The following SH3PXD2A variants were observed in gnomAD, a reference collection of about 807,000 sequenced individuals.
The protein encoded by SH3PXD2A is SH3 and PX domains 2A, also known as SH3 and PX domain-containing protein 2A.
A neutral mutation model predicts 115.2 loss-of-function variants in SH3PXD2A; 32 were observed. The observed-to-expected ratio is 0.28, with a 90% CI of 0.21 to 0.37. The LOEUF (loss-of-function observed/expected upper bound fraction) is 0.37. Among genes scored for constraint, SH3PXD2A ranks in the 10% least tolerant of loss-of-function variants. The pLI, the probability that SH3PXD2A is intolerant of heterozygous loss-of-function variation, is 1.00. For missense variants in SH3PXD2A, 1,328 were observed against 1,498.7 expected (o/e 0.89, Z 1.88); for synonymous variants, 610 against 629.1 (o/e 0.97, Z 0.45).
In SH3PXD2A at chr10:103,615,483, G is replaced by GGTGTGTGTGTGTGTGTGTGTGTGT. The variant is rs57711259; in HGVS notation, c.920+1690_920+1713dup. On this transcript the variant is annotated intron_variant, in intron 11 of 14. Transcript: ENST00000369774. Reference sequence around the variant, plus strand: ...GAAAGGGCGCGATGGAGAGTGCGAGGGTGTGTGTGTGTGTGTGTGTGTGTG... The same window carrying GGTGTGTGTGTGTGTGTGTGTGTGT: ...GAAAGGGCGCGATGGAGAGTGCGAGGGTGTGTGTGTGTGTGTGTGTGTGTGTGTGTGTGTGTGTGTGTGTGTGTG... Among the ~76,000 whole-genome samples, 85 of 128,588 alleles carry GGTGTGTGTGTGTGTGTGTGTGTGT rather than the reference G, an allele frequency of 6.6e-4. 5 individuals carry two copies. The highest frequency in any genetic ancestry group is 1.9e-3 in the East Asian group (8 of 4,294). 84.4% of individuals were successfully genotyped at this position (128,588 alleles called of 152,430 possible).
intron 1 of SH3PXD2A, among the ~76,000 whole-genome samples, chr10:103,846,381 G>C (rs151281329): frequency 1.3e-4 from 20 of 152,310 alleles, no homozygotes; most frequent in Non-Finnish European, 1.9e-4. Context: ...AGGAAAACCA[G>C]AGGCCGTTTT....
intron 5 of SH3PXD2A, among the ~76,000 whole-genome samples, chr10:103,705,166 C>A (rs1454977038): frequency 6.6e-6 from 1 of 152,160 alleles, no homozygotes; most frequent in Non-Finnish European, 1.5e-5. Flanking sequence ...GCAGGCCAGC[C>A]GTGGGCCGCC....
intron 9 of SH3PXD2A, among the ~76,000 whole-genome samples, chr10:103,626,626 G>GAA (rs112071139): frequency 1.9e-4 from 24 of 128,390 alleles, no homozygotes; most frequent in African/African-American, 6.0e-4. Flanking sequence ...AAAAGAAAAA[G>GAA]AAAAAAAAAA....
chr10:103,798,203 A>C (rs2039113021), intron 2 of SH3PXD2A, among the ~76,000 whole-genome samples: 1 of 152,174 alleles, frequency 6.6e-6, no homozygotes, highest in Admixed American at 6.5e-5. Flanking sequence ...AAAGGGGTCA[A>C]AGGGGTGTCC....
Position 103,809,877 on chromosome 10 carries a change from T to G in SH3PXD2A, c.73-8515A>C, listed in dbSNP as rs139856365. Among the ~76,000 whole-genome samples, 765 of 151,142 alleles carry G rather than the reference T, an allele frequency of 5.1e-3. 1 individual carries two copies. Among genetic ancestry groups the G allele is most frequent in the African/African-American group, 0.015 (607 of 41,126 alleles). On this transcript the variant is annotated intron_variant, in intron 1 of 14. Transcript: ENST00000369774. ...TTTTTTTTTAGTATTTTAGTAGAGA[T>G]GAGTTTTACCATGGGTGGCCAGGCT...
intron 2 of SH3PXD2A, among the ~76,000 whole-genome samples, chr10:103,799,025 C>T (rs541259059): frequency 2.6e-5 from 4 of 152,290 alleles, no homozygotes; most frequent in African/African-American, 7.2e-5. Flanking sequence ...ACAACCCTAC[C>T]GGGCAGGCAA....
chr10:103,672,188 G>A (rs1427575675), intron 6 of SH3PXD2A, among the ~76,000 whole-genome samples: 1 of 152,234 alleles, frequency 6.6e-6, no homozygotes, highest in Non-Finnish European at 1.5e-5. Context: ...GGAAGGCTGA[G>A]GCATGAGAAT....
chr10:103,662,296 C>G (rs1281778115), intron 7 of SH3PXD2A, among the ~76,000 whole-genome samples: 1 of 122,852 alleles, frequency 8.1e-6, no homozygotes, highest in African/African-American at 3.2e-5. Flanking sequence ...GCACTGGATG[C>G]TGCTTAAACC....
At chr10:103,691,551 G>A (rs1160781139) in intron 6 of SH3PXD2A, among the ~76,000 whole-genome samples, 1 of 152,050 alleles carries the variant, frequency 6.6e-6, no homozygotes, top group Admixed American at 6.5e-5. Context: ...GTGGAGGAAT[G>A]CTCTTCCCCA....
At chr10:103,766,749 G>C (rs1220422776) in intron 3 of SH3PXD2A, among the ~76,000 whole-genome samples, 1 of 152,172 alleles carries the variant, frequency 6.6e-6, no homozygotes, top group Admixed American at 6.5e-5. Context: ...ATTAGAATGG[G>C]AGTCAGTACA....
At chr10:103,687,185 C>T (rs2037689387) in intron 6 of SH3PXD2A, among the ~76,000 whole-genome samples, 1 of 152,206 alleles carries the variant, frequency 6.6e-6, no homozygotes, top group African/African-American at 2.4e-5. Context: ...GAAGACATTT[C>T]ATCTGCGGAC....
At chr10:103,667,989 G>A (rs935989605) in intron 7 of SH3PXD2A, among the ~76,000 whole-genome samples, 3 of 152,222 alleles carry the variant, frequency 2.0e-5, no homozygotes, top group African/African-American at 2.4e-5. Flanking sequence ...ATCTCAGCCA[G>A]GCAGGCCAAG....
intron 1 of SH3PXD2A, among the ~76,000 whole-genome samples, chr10:103,808,293 C>T (rs2134273393): frequency 6.6e-6 from 1 of 151,894 alleles, no homozygotes; most frequent in East Asian, 1.9e-4. Context: ...GCTCTGTCAC[C>T]CGGGGTGGAG....
chr10:103,821,799 T>C (rs1022711010), intron 1 of SH3PXD2A, among the ~76,000 whole-genome samples: 2 of 152,228 alleles, frequency 1.3e-5, no homozygotes, highest in South Asian at 2.1e-4. Flanking sequence ...ATTCCTGGAG[T>C]CAAGTGATCC....
intron 1 of SH3PXD2A, among the ~76,000 whole-genome samples, chr10:103,829,296 C>T (rs149020306): frequency 8.3e-4 from 127 of 152,258 alleles, no homozygotes; most frequent in African/African-American, 2.9e-3. Flanking sequence ...CTGGGAGGCA[C>T]GCAGGCATCC....
At chr10:103,780,949 C>T (rs2038926410) in intron 2 of SH3PXD2A, among the ~76,000 whole-genome samples, 2 of 152,170 alleles carry the variant, frequency 1.3e-5, no homozygotes, top group Admixed American at 6.5e-5. Context: ...TCTCTAGTCA[C>T]ACGCCCTGCC....
intron 9 of SH3PXD2A, 86 bp from the exon 10 acceptor site, chr10:103,622,639 G>GT: frequency 2.9e-6 from 2 of 688,050 alleles, no homozygotes; most frequent in Non-Finnish European, 5.1e-6. Flanking sequence ...ATGGGGGTGG[G>GT]AGGAAGGGGC....
chr10:103,804,617 T>C (rs1053606819), intron 1 of SH3PXD2A, among the ~76,000 whole-genome samples: 1 of 152,104 alleles, frequency 6.6e-6, no homozygotes. Flanking sequence ...CCACCTCATC[T>C]GACCGGTTGA....
intron 1 of SH3PXD2A, among the ~76,000 whole-genome samples, chr10:103,837,428 C>A (rs17650830): frequency 0.01 from 1,560 of 152,290 alleles, 18 homozygotes; most frequent in Middle Eastern, 0.044. Flanking sequence ...CTGATAACTC[C>A]CATTCCCCAC....
Sources: gnomAD v4.1 joint callset for allele counts (sites outside exome capture counted in the v4.1 genomes callset) on GRCh38, gnomAD v4.1.1 for gene constraint, MANE v1.5 for transcripts, NCBI Gene and HGNC (gene_info 2026-07-23, HGNC 2026-07-21) for gene names.